The following PACSIN2 variants were observed in gnomAD, a reference collection of about 807,000 sequenced individuals.
The protein encoded by PACSIN2 is protein kinase C and casein kinase substrate in neurons protein 2.
Under a neutral mutation model 63.8 loss-of-function variants are expected in PACSIN2, and 25 were observed. The observed-to-expected ratio is 0.39, with a 90% confidence interval of 0.29 to 0.55. The LOEUF (loss-of-function observed/expected upper bound fraction) is 0.55, where lower values mean the gene tolerates loss of function less well. PACSIN2 is among the 20% of genes least tolerant of loss of function. The pLI is 0.62. For synonymous variants in PACSIN2, 255 were observed against 256.2 expected (o/e 1.00, Z 0.05); for missense variants, 518 against 646.9 (o/e 0.80, Z 2.16).
intron 1 of PACSIN2, among the ~76,000 whole-genome samples, chr22:42,959,319 C>A (rs145992566): frequency 1.3e-5 from 2 of 152,142 alleles, no homozygotes; most frequent in Admixed American, 1.3e-4. Flanking sequence ...TAAACATTAA[C>A]GCCTTAAAGT....
At chr22:42,968,737 G>T (rs1921024389) in intron 1 of PACSIN2, among the ~76,000 whole-genome samples, 1 of 152,180 alleles carries the variant, frequency 6.6e-6, no homozygotes, top group African/African-American at 2.4e-5. Context: ...CAGGAAAAGG[G>T]CAAATGTGTC....
intron 2 of PACSIN2, among the ~76,000 whole-genome samples, chr22:42,909,028 T>C (rs1931274223): frequency 6.6e-6 from 1 of 152,180 alleles, no homozygotes; most frequent in South Asian, 2.1e-4. Flanking sequence ...TCCTTCCGAA[T>C]ATGCATTAAA....
intron 1 of PACSIN2, among the ~76,000 whole-genome samples, chr22:42,923,578 C>A (rs576059498): frequency 6.6e-6 from 1 of 152,200 alleles, no homozygotes. Context: ...CAGGCGCCCG[C>A]CACCATGCCT....
At chr22:42,936,925 G>GC (rs1035052428) in intron 1 of PACSIN2, among the ~76,000 whole-genome samples, 5 of 147,062 alleles carry the variant, frequency 3.4e-5, no homozygotes, top group Non-Finnish European at 7.5e-5. Flanking sequence ...AAAGGGGGGG[G>GC]GGCAGGGGCA....
At chr22:42,927,382 C>T (rs979573321) in intron 1 of PACSIN2, among the ~76,000 whole-genome samples, 25 of 151,326 alleles carry the variant, frequency 1.7e-4, no homozygotes, top group African/African-American at 5.6e-4. Context: ...GTAGCTGGGA[C>T]GACAGGTGCC....
At chr22:42,972,672 G>C (rs2146870946) in intron 1 of PACSIN2, among the ~76,000 whole-genome samples, 1 of 152,266 alleles carries the variant, frequency 6.6e-6, no homozygotes, top group East Asian at 1.9e-4. Context: ...CCACCTCTGG[G>C]CTTTCCGACC....
intron 1 of PACSIN2, among the ~76,000 whole-genome samples, chr22:42,944,693 C>T (rs1933330342): frequency 6.6e-6 from 1 of 152,234 alleles, no homozygotes; most frequent in South Asian, 2.1e-4. Context: ...ACAGAAAGGA[C>T]ACAACACATC....
intron 10 of PACSIN2, among the ~76,000 whole-genome samples, chr22:42,872,212 C>A (rs528484199): frequency 6.6e-6 from 1 of 152,312 alleles, no homozygotes; most frequent in Admixed American, 6.5e-5. Context: ...CTCAAGGAGG[C>A]AGACTAGGGT....
intron 1 of PACSIN2, among the ~76,000 whole-genome samples, chr22:42,960,112 T>C (rs553736572): frequency 6.6e-6 from 1 of 152,264 alleles, no homozygotes; most frequent in East Asian, 1.9e-4. Flanking sequence ...AAATTCATAC[T>C]ACCCCCTCCC....
chr22:42,894,381 C>T (rs931304177), intron 2 of PACSIN2, among the ~76,000 whole-genome samples: 1 of 152,192 alleles, frequency 6.6e-6, no homozygotes, highest in Non-Finnish European at 1.5e-5. Context: ...GCTGGGACTA[C>T]AGGCACGCAT....
intron 5 of PACSIN2, among the ~76,000 whole-genome samples, chr22:42,888,380 GTC>G (rs1383803019): frequency 6.6e-6 from 1 of 152,228 alleles, no homozygotes; most frequent in Non-Finnish European, 1.5e-5. Context: ...CTGTCCTTGT[GTC>G]TCTGAGCACC....
At chr22:42,923,226 A>G (rs925871013) in intron 1 of PACSIN2, among the ~76,000 whole-genome samples, 1 of 152,160 alleles carries the variant, frequency 6.6e-6, no homozygotes, top group East Asian at 1.9e-4. Flanking sequence ...GCACTGTTGC[A>G]TGTCTTCTCA....
intron 1 of PACSIN2, among the ~76,000 whole-genome samples, chr22:42,951,541 C>A (rs1369550175): frequency 2.0e-5 from 3 of 152,194 alleles, no homozygotes; most frequent in African/African-American, 7.2e-5. Context: ...ACACACTGGC[C>A]AAAACCCACC....
intron 8 of PACSIN2, among the ~76,000 whole-genome samples, chr22:42,878,786 G>A (rs1368346164): frequency 6.6e-6 from 1 of 152,216 alleles, no homozygotes; most frequent in Non-Finnish European, 1.5e-5. Context: ...GAAGCTCAGG[G>A]CCAAGCCTCC....
chr22:42,951,993 C>A (rs1933714872), intron 1 of PACSIN2, among the ~76,000 whole-genome samples: 1 of 152,220 alleles, frequency 6.6e-6, no homozygotes, highest in Non-Finnish European at 1.5e-5. Context: ...TGCCTCCCAG[C>A]ATCAGATATT....
At chr22:42,909,761 C>A (rs1432588569) in intron 2 of PACSIN2, among the ~76,000 whole-genome samples, 2 of 152,186 alleles carry the variant, frequency 1.3e-5, no homozygotes, top group Non-Finnish European at 2.9e-5. Context: ...CAACGTTCAC[C>A]TGAATGTTTT....
intron 1 of PACSIN2, among the ~76,000 whole-genome samples, chr22:42,989,764 G>A (rs952115987): frequency 6.6e-6 from 1 of 150,790 alleles, no homozygotes; most frequent in South Asian, 2.1e-4. Flanking sequence ...TCGCGCCACC[G>A]CATTCCAGCC....
chr22:42,970,404 C>G (rs1921167028), intron 1 of PACSIN2, among the ~76,000 whole-genome samples: 1 of 152,186 alleles, frequency 6.6e-6, no homozygotes, highest in African/African-American at 2.4e-5. Flanking sequence ...AGTGGGAAAA[C>G]TGGTGAAATC....
At chr22:42,999,426 T>G (rs974199006) in intron 1 of PACSIN2, among the ~76,000 whole-genome samples, 8 of 152,270 alleles carry the variant, frequency 5.3e-5, no homozygotes, top group African/African-American at 1.9e-4. Context: ...TCCCAGCACT[T>G]TGGGAGGCCA....
Sources: allele counts gnomAD v4.1 joint callset (sites outside exome capture counted in the v4.1 genomes callset), GRCh38; gene constraint gnomAD v4.1.1; transcripts MANE v1.5; gene names NCBI Gene and HGNC (gene_info 2026-07-23, HGNC 2026-07-21).